ADGRE1: variants seen among roughly 807,000 people sequenced by gnomAD.
ADGRE1 encodes adhesion G protein-coupled receptor E1, also known as EGF-like module receptor 1.
Under a neutral mutation model 102.7 loss-of-function variants are expected in ADGRE1, and 82 were observed. The observed-to-expected ratio is 0.80, with a 90% confidence interval of 0.67 to 0.96. The LOEUF (loss-of-function observed/expected upper bound fraction) is 0.96, where lower values mean the gene tolerates loss of function less well. Among genes scored for constraint, ADGRE1 ranks in the 40% least tolerant of loss-of-function variants. The pLI, the probability that ADGRE1 is intolerant of heterozygous loss-of-function variation, is 0.00. For missense variants in ADGRE1, 1,032 were observed against 1,085.3 expected (o/e 0.95, Z 0.69); for synonymous variants, 398 against 399.6 (o/e 1.00, Z 0.05).
chr19:6,936,159 T>C (rs1209309580), intron 18 of ADGRE1, among the ~76,000 whole-genome samples: 1 of 152,120 alleles, frequency 6.6e-6, no homozygotes, highest in African/African-American at 2.4e-5. Flanking sequence ...AAAGGAGGCC[T>C]GGTGTGGTGG....
In ADGRE1 at chr19:6,908,690, T is replaced by G; in HGVS notation, c.1040T>G (p.Val347Gly). The G allele has an allele frequency of 6.3e-7, 1 of 1,577,788 alleles. No homozygotes were observed. Among genetic ancestry groups the G allele is most frequent in the Non-Finnish European group, 8.6e-7 (1 of 1,167,202 alleles). The change falls in exon 10 of 21, where the codon GTC becomes GGC. Residue 347 changes from valine (V) to glycine (G), a missense_variant and splice_region_variant. Coordinates refer to ENST00000312053, the MANE Select transcript of ADGRE1 (RefSeq NM_001974.5). Reference sequence around the variant, plus strand: ...TTTTTTTTTTTTTCTGGGACGCAGGTCTCCTTTTGTGCACAAATAAATAAC... The same window carrying G: ...TTTTTTTTTTTTTCTGGGACGCAGGGCTCCTTTTGTGCACAAATAAATAAC... ...QEGTAVKPAYVSFCAQINNIF... is the reference protein window; with the variant it reads ...QEGTAVKPAYGSFCAQINNIF...
At chr19:6,931,551 A>C (rs1975151941) in intron 17 of ADGRE1, among the ~76,000 whole-genome samples, 1 of 152,180 alleles carries the variant, frequency 6.6e-6, no homozygotes, top group East Asian at 1.9e-4. Flanking sequence ...TAATCCCAGC[A>C]TTTTGGGAGG....
chr19:6,913,471 C>T (rs965090387), intron 10 of ADGRE1, among the ~76,000 whole-genome samples, 182 bp from the exon 11 acceptor site: 5 of 152,180 alleles, frequency 3.3e-5, no homozygotes, highest in African/African-American at 1.2e-4. Flanking sequence ...TGAGCCACTG[C>T]ACCCGGCCTG....
chr19:6,894,512 A>C (rs567950975), intron 2 of ADGRE1, among the ~76,000 whole-genome samples: 20 of 152,338 alleles, frequency 1.3e-4, no homozygotes, highest in East Asian at 3.9e-4. Flanking sequence ...GCAGAGGCAG[A>C]GGGAACAGCA....
At chr19:6,898,222 G>A (rs1270300806) in intron 5 of ADGRE1, 21 of 1,198,904 alleles carry the variant, frequency 1.8e-5, no homozygotes, top group Admixed American at 2.4e-5. Context: ...TATGGGATGG[G>A]AGATATTGTT....
intron 17 of ADGRE1, among the ~76,000 whole-genome samples, chr19:6,930,436 A>T (rs865911248): frequency 6.6e-6 from 1 of 151,430 alleles, no homozygotes; most frequent in African/African-American, 2.4e-5. Flanking sequence ...CGAGGATTAA[A>T]TTTTTTTTTA....
chr19:6,902,027 T>C lies in ADGRE1; in HGVS notation c.661+6T>C, dbSNP rs777153696. The C allele has an allele frequency of 7.4e-6, 12 of 1,613,974 alleles. No homozygotes were observed. The East Asian group carries it at 2.7e-4, about 36-fold the overall frequency. ...TCTCAAAGCATCGTGTGAAGGTAGGTGGGGGTGTCTTCTGAGAAGTCAGGT... is the reference window on the plus strand; with the variant it reads ...TCTCAAAGCATCGTGTGAAGGTAGGCGGGGGTGTCTTCTGAGAAGTCAGGT... On this transcript the variant is annotated splice_donor_region_variant and intron_variant, in intron 6 of 20. Coordinates refer to ENST00000312053, the MANE Select transcript of ADGRE1 (RefSeq NM_001974.5).
At chr19:6,924,622 G>T in intron 14 of ADGRE1, 56 bp from the exon 15 acceptor site, 1 of 1,536,348 alleles carries the variant, frequency 6.5e-7, no homozygotes, top group East Asian at 2.3e-5. Flanking sequence ...TCTTCTTCCC[G>T]CCTGGGGGGA....
In ADGRE1 at chr19:6,924,990, T is replaced by C. The variant is rs1974837704; in HGVS notation, c.1986+118T>C. On this transcript the variant is annotated intron_variant, in intron 15 of 20. Transcript: ENST00000312053. Reference sequence around the variant, plus strand: ...TACCTCAGGGCCTTTGCATATGCTGTGCCCTCTGCCTGTAACACTCACTTC... The same window carrying C: ...TACCTCAGGGCCTTTGCATATGCTGCGCCCTCTGCCTGTAACACTCACTTC... 4.0e-6 allele frequency: 4 copies of C among 990,852 alleles called. No homozygotes were observed. In the African/African-American group the frequency reaches 4.8e-5, roughly 12 times the overall value. The allele number at this position is 990,852 out of a possible 1,614,324, so 61.4% of individuals were successfully genotyped here.
chr19:6,908,754 G>A lies in ADGRE1; in HGVS notation c.1104G>A (p.Thr368=), dbSNP rs141178599. The A allele has an allele frequency of 1.1e-4, 179 of 1,609,210 alleles. No homozygotes were observed. The African/African-American group carries it at 1.9e-3, about 17-fold the overall frequency. Reference sequence around the variant, plus strand: ...TGGACAAAGTGTGTGAAAATAAAACGACCGTAGTTTCTCTGAAGGTAACGA... The same window carrying A: ...TGGACAAAGTGTGTGAAAATAAAACAACCGTAGTTTCTCTGAAGGTAACGA... ...SVLDKVCENK[T]TVVSLKNTTE... Residue 368 remains threonine, a synonymous_variant, in exon 10 of 21, where the codon ACG becomes ACA. Transcript: ENST00000312053.
At chr19:6,933,385 C>CTTTTTTTTTTTTTTTTTTTTTTTT (rs34493324) in intron 17 of ADGRE1, among the ~76,000 whole-genome samples, 1 of 129,896 alleles carries the variant, frequency 7.7e-6, no homozygotes, top group African/African-American at 2.9e-5. Flanking sequence ...AGTGTGAAGA[C>CTTTTTTTTTTTTTTTTTTTTTTTT]TTTTTTTTTT....
chr19:6,909,713 T>C (rs1974099865), intron 10 of ADGRE1, among the ~76,000 whole-genome samples: 1 of 152,080 alleles, frequency 6.6e-6, no homozygotes, highest in Admixed American at 6.6e-5. Flanking sequence ...TTGGTGGTTT[T>C]TTTTGTTTGT....
chr19:6,895,065 G>A lies in ADGRE1; in HGVS notation c.95-1333G>A, dbSNP rs142380166. On this transcript the variant is annotated intron_variant, in intron 2 of 20. Coordinates refer to ENST00000312053, the MANE Select transcript of ADGRE1 (RefSeq NM_001974.5). ...TCCAACTTGAAGATGGAACAGCGTCGTGGAACAACCTTGCCTAGGAGGTCA... is the reference window on the plus strand; with the variant it reads ...TCCAACTTGAAGATGGAACAGCGTCATGGAACAACCTTGCCTAGGAGGTCA... 18 of 152,340 alleles carry A rather than the reference G, an allele frequency of 1.2e-4. 1 individual carries two copies. Among genetic ancestry groups the A allele is most frequent in the South Asian group, 2.1e-4 (1 of 4,822 alleles). The allele number at this position is 152,340 out of a possible 1,614,324, so 9.4% of individuals were successfully genotyped here. A position where few individuals can be genotyped will look rare whatever the true frequency, so the allele number is the denominator to read the frequency against.
intron 2 of ADGRE1, chr19:6,891,317 A>G (rs1042884737): frequency 1.3e-5 from 2 of 152,180 alleles, no homozygotes; most frequent in African/African-American, 4.8e-5. Context: ...TCCCTTATAA[A>G]TTACCTAGTC....
chr19:6,918,786 G>A (rs1452873786), intron 12 of ADGRE1, among the ~76,000 whole-genome samples: 7 of 152,112 alleles, frequency 4.6e-5, no homozygotes, highest in African/African-American at 4.8e-5. Context: ...GTGCAGTGGC[G>A]GGATCTTGGC....
At chr19:6,924,547 C>A in intron 14 of ADGRE1, 131 bp from the exon 15 acceptor site, 1 of 708,662 alleles carries the variant, frequency 1.4e-6, no homozygotes, top group Non-Finnish European at 2.4e-6. Flanking sequence ...ATCTAGTTCA[C>A]TCTGAGTGTT....
rs747791242 is a variant in ADGRE1, at chr19:6,928,125, C to T, written c.2223-20C>T. 9 of 1,611,230 alleles carry T rather than the reference C, an allele frequency of 5.6e-6. No individual in the cohort carries two copies. The highest frequency in any genetic ancestry group is 7.6e-6 in the Non-Finnish European group (9 of 1,178,524). On this transcript the variant is annotated intron_variant, in intron 16 of 20. Coordinates refer to ENST00000312053, the MANE Select transcript of ADGRE1 (RefSeq NM_001974.5). ...CAGGACTCTGAGACAAGCGCTGACTCCTCCTATTTCTCTCCACAGCTGCTG... is the reference window on the plus strand; with the variant it reads ...CAGGACTCTGAGACAAGCGCTGACTTCTCCTATTTCTCTCCACAGCTGCTG...
intron 18 of ADGRE1, among the ~76,000 whole-genome samples, chr19:6,936,620 A>C (rs1975414093): frequency 8.1e-6 from 1 of 124,114 alleles, no homozygotes; most frequent in Non-Finnish European, 1.7e-5. Flanking sequence ...CTAGTGGCAA[A>C]TCCTTGTTTT....
rs145331543 is a variant in ADGRE1, at chr19:6,935,280, G to A, written c.2381+202G>A. On this transcript the variant is annotated intron_variant, in intron 18 of 20. Transcript: ENST00000312053. ...AGCTGTGTGACCTTAGGCAAGTTAC[G>A]TAACCTCTCAGAAGCCCATTTGCCT... Among the ~76,000 whole-genome samples, 287 of 152,100 alleles carry A rather than the reference G, an allele frequency of 1.9e-3. 2 individuals carry two copies. The highest frequency in any genetic ancestry group is 6.5e-3 in the African/African-American group (270 of 41,510).
Sources: gnomAD v4.1 joint callset for allele counts (sites outside exome capture counted in the v4.1 genomes callset) on GRCh38, gnomAD v4.1.1 for gene constraint, MANE v1.5 for transcripts, NCBI Gene and HGNC (gene_info 2026-07-23, HGNC 2026-07-21) for gene names.